The following PRKAG3 variants were observed in gnomAD, a reference collection of about 807,000 sequenced individuals.
PRKAG3 encodes the protein 5'-AMP-activated protein kinase subunit gamma-3.
In PRKAG3, 39 loss-of-function variants were observed where a neutral mutation model predicts 56.5. The ratio of observed to expected loss-of-function variants is 0.69; its 90% confidence interval spans 0.53 to 0.90. PRKAG3 has a LOEUF of 0.90. Ranked by LOEUF, PRKAG3 falls within the 40% of genes least tolerant of loss-of-function variation. The pLI, the probability that PRKAG3 is intolerant of heterozygous loss-of-function variation, is 0.00. For synonymous variants in PRKAG3, 243 were observed against 250.1 expected (o/e 0.97, Z 0.27); for missense variants, 628 against 627.5 (o/e 1.00, Z -0.01).
At chr2:218,824,191 G>A (rs755026107) in intron 12 of PRKAG3, 31 bp downstream of exon 12, 1 of 1,614,052 alleles carries the variant, frequency 6.2e-7, no homozygotes, top group East Asian at 2.2e-5. Flanking sequence ...GGCTATATGT[G>A]TTGGGGGCAT....
chr2:218,826,796 G>C (rs931048955), intron 10 of PRKAG3, 132 bp downstream of exon 10: 11 of 1,221,640 alleles, frequency 9.0e-6, no homozygotes, highest in African/African-American at 3.0e-5. Flanking sequence ...AGTAGACGGA[G>C]ACTTCTAATC....
intron 5 of PRKAG3, 108 bp from the exon 6 acceptor site, chr2:218,828,170 T>A: frequency 9.3e-7 from 1 of 1,076,860 alleles, no homozygotes; most frequent in Non-Finnish European, 1.4e-6. Flanking sequence ...TGAGACACAG[T>A]GGGGACTGTG....
intron 5 of PRKAG3, 78 bp downstream of exon 5, chr2:218,828,441 A>G: frequency 7.1e-7 from 1 of 1,406,942 alleles, no homozygotes; most frequent in Non-Finnish European, 9.7e-7. Context: ...GGTATATCAG[A>G]GATCAGCCCC....
In PRKAG3 at chr2:218,827,072, A is replaced by C; in HGVS notation, c.1024T>G (p.Ser342Ala). The C allele has an allele frequency of 1.2e-6, 2 of 1,613,464 alleles. No homozygotes were observed. Reference sequence around the variant, plus strand: ...TCTTGGATAGTGCGGTAGAGGAAGGAGGGCCGGGGCAGCAGGGAACCCTGG... The same window carrying C: ...TCTTGGATAGTGCGGTAGAGGAAGGCGGGCCGGGGCAGCAGGGAACCCTGG... Residue 342 changes from serine (S) to alanine (A), a missense_variant, in exon 10 of 13, where the codon TCC becomes GCC. Ser to Ala is a moderately conservative substitution (Grantham distance 99, BLOSUM62 1). Transcript: ENST00000529249. The surrounding 1 kb of genome is among the most constrained non-coding windows in gnomAD (Gnocchi z 5.3).
chr2:218,828,146 C>A, intron 5 of PRKAG3, 84 bp from the exon 6 acceptor site: 2 of 1,278,148 alleles, frequency 1.6e-6, no homozygotes, highest in South Asian at 2.7e-5. Context: ...CCCACCCTGC[C>A]AGTGTCCTTG....
Position 218,827,916 on chromosome 2 carries a change from G to A in PRKAG3, c.775-38C>T, listed in dbSNP as rs771390402. On this transcript the variant is annotated intron_variant, in intron 6 of 12. Coordinates refer to ENST00000529249, the Ensembl canonical transcript of PRKAG3. The surrounding 1 kb of genome is among the most constrained non-coding windows in gnomAD (Gnocchi z 5.3). ...ACAGGACTCCAGAAGTCAGAAAGACGTGGGCTTCTAGGGCACCAGGCTCCA... is the reference window on the plus strand; with the variant it reads ...ACAGGACTCCAGAAGTCAGAAAGACATGGGCTTCTAGGGCACCAGGCTCCA... 1.4e-5 allele frequency: 22 copies of A among 1,612,248 alleles called. No individual in the cohort carries two copies. The highest frequency in any genetic ancestry group is 1.3e-4 in the South Asian group (12 of 90,942).
In PRKAG3 at chr2:218,826,926, AC is replaced by A. The variant is rs761851440; in HGVS notation, c.1168+1del. On this transcript the variant is annotated splice_donor_variant, in intron 10 of 12. Coordinates refer to ENST00000529249, the Ensembl canonical transcript of PRKAG3. LOFTEE classifies it high-confidence loss of function. Reference sequence around the variant, plus strand: ...CGAGCCTCTCATCCTGGGGGTGGGTACCACATTCGTTGACCACAGGCAGTGC... The same window carrying A: ...CGAGCCTCTCATCCTGGGGGTGGGTACACATTCGTTGACCACAGGCAGTGC... 1.2e-6 allele frequency: 2 copies of A among 1,613,940 alleles called. No homozygotes were observed. The highest frequency in any genetic ancestry group is 1.7e-6 in the Non-Finnish European group (2 of 1,180,002).
chr2:218,827,455 G>C lies in PRKAG3; in HGVS notation c.876-82C>G. The C allele has an allele frequency of 6.2e-7, 1 of 1,606,572 alleles. No homozygotes were observed. The highest frequency in any genetic ancestry group is 8.5e-7 in the Non-Finnish European group (1 of 1,173,562). On this transcript the variant is annotated intron_variant, in intron 8 of 12. Coordinates refer to ENST00000529249, the Ensembl canonical transcript of PRKAG3. The surrounding 1 kb of genome is among the most constrained non-coding windows in gnomAD (Gnocchi z 5.3). Reference sequence around the variant, plus strand: ...CCAGGCCCCTAAAAAGGAGGGCAGGGCACCAAGGCTCCCTTGTCTGTGTGC... The same window carrying C: ...CCAGGCCCCTAAAAAGGAGGGCAGGCCACCAAGGCTCCCTTGTCTGTGTGC...
At chr2:218,829,516 T>TG (rs1943986851) in intron 4 of PRKAG3, among the ~76,000 whole-genome samples, 1 of 151,576 alleles carries the variant, frequency 6.6e-6, no homozygotes. Flanking sequence ...TTAGTAGAGA[T>TG]GGGGTTTCAC....
At chr2:218,828,170 T>C (rs2105988180) in intron 5 of PRKAG3, 108 bp from the exon 6 acceptor site, 1 of 1,076,862 alleles carries the variant, frequency 9.3e-7, no homozygotes, top group Admixed American at 2.1e-5. Flanking sequence ...TGAGACACAG[T>C]GGGGACTGTG....
intron 10 of PRKAG3, among the ~76,000 whole-genome samples, chr2:218,825,601 T>G (rs1575210823): frequency 6.6e-6 from 1 of 151,488 alleles, no homozygotes; most frequent in African/African-American, 2.4e-5. Flanking sequence ...TGAGCCGAGA[T>G]GGCACCACTG....
Position 218,828,501 on chromosome 2 carries a change from T to A in PRKAG3, c.715+18A>T. Reference sequence around the variant, plus strand: ...CTCACCTCCTCCATCTCCCTTCACCTCCCCAGCCTCTCCTCACCCACAAAG... The same window carrying A: ...CTCACCTCCTCCATCTCCCTTCACCACCCCAGCCTCTCCTCACCCACAAAG... On this transcript the variant is annotated intron_variant, in intron 5 of 12. Transcript: ENST00000529249. 1 of 1,607,274 alleles carries A rather than the reference T, an allele frequency of 6.2e-7. No individual in the cohort carries two copies. Among genetic ancestry groups the A allele is most frequent in the Non-Finnish European group, 8.5e-7 (1 of 1,176,012 alleles).
chr2:218,831,326 T>G lies in PRKAG3; in HGVS notation c.73+10A>C. 6.3e-7 allele frequency: 1 copy of G among 1,585,128 alleles called. No individual in the cohort carries two copies. The highest frequency in any genetic ancestry group is 8.6e-7 in the Non-Finnish European group (1 of 1,164,024). On this transcript the variant is annotated intron_variant, in intron 2 of 12. Transcript: ENST00000529249. ...GAGGTTAGGCCCCAGGGAGGGGGCA[T>G]TCTCCCTACCTTGATGCTCAGAACC...
chr2:218,831,364 C>G, exon 2 of PRKAG3: 1 of 1,603,216 alleles, frequency 6.2e-7, no homozygotes, highest in Non-Finnish European at 8.5e-7. Context: ...CAAGGCTGCT[C>G]CAGGAAGGGG....
chr2:218,826,604 C>T (rs546228280), intron 10 of PRKAG3: 8 of 370,794 alleles, frequency 2.2e-5, no homozygotes, highest in Non-Finnish European at 3.2e-5. Flanking sequence ...ACCACGTGTC[C>T]GGCTCCATTT....
At chr2:218,828,720 TCCATGGGGCC>T in intron 4 of PRKAG3, 120 bp from the exon 5 acceptor site, 8 of 798,610 alleles carry the variant, frequency 1.0e-5, no homozygotes, top group South Asian at 3.6e-5. Flanking sequence ...CCAGGGTTCT[TCCATGGGGCC>T]TTCTCCTGGA....
Position 218,827,135 on chromosome 2 carries a change from G to A in PRKAG3, c.1003-42C>T. 2.5e-6 allele frequency: 4 copies of A among 1,612,686 alleles called. No individual in the cohort carries two copies. The highest frequency in any genetic ancestry group is 3.4e-6 in the Non-Finnish European group (4 of 1,179,846). The stretch of plus-strand genomic sequence containing the variant: ...CCAGGTGGAGATCAGGGATCCAGCA[G>A]CTTCAAGAGGGCTCCCAGCTCTTCC... On this transcript the variant is annotated intron_variant, in intron 9 of 12. Transcript: ENST00000529249. This position sits in a 1 kb window ranked among gnomAD's most constrained non-coding sequence, Gnocchi z 5.3.
chr2:218,824,264 G>C, exon 12 of PRKAG3: 3 of 1,614,152 alleles, frequency 1.9e-6, no homozygotes, highest in Non-Finnish European at 2.5e-6. Context: ...CCAAGCTCTC[G>C]TGGGGCTGGC....
exon 4 of PRKAG3, chr2:218,830,286 T>G (rs1182411926): frequency 6.2e-7 from 1 of 1,613,410 alleles, no homozygotes; most frequent in Non-Finnish European, 8.5e-7. Context: ...GTTGGTGGAG[T>G]GCCCACCCCG....
Sources: allele counts gnomAD v4.1 joint callset (sites outside exome capture counted in the v4.1 genomes callset), GRCh38; gene constraint gnomAD v4.1.1; non-coding constraint Gnocchi (gnomAD v3.1); transcripts MANE v1.5; gene names NCBI Gene and HGNC (gene_info 2026-07-23, HGNC 2026-07-21).